The following NAV3 variants were observed in gnomAD, a reference collection of about 807,000 sequenced individuals.
The protein encoded by NAV3 is neuron navigator 3, also known as pore membrane and/or filament interacting like protein 1.
Under a neutral mutation model 244.7 loss-of-function variants are expected in NAV3, and 87 were observed. The ratio of observed to expected loss-of-function variants is 0.36; its 90% confidence interval spans 0.30 to 0.42. The LOEUF (loss-of-function observed/expected upper bound fraction) is 0.42. NAV3 is among the 20% of genes least tolerant of loss of function. The pLI is 1.00. For synonymous variants in NAV3, 1,126 were observed against 1,042.2 expected (o/e 1.08, Z -1.55); for missense variants, 2,663 against 2,893.3 (o/e 0.92, Z 1.83).
intron 2 of NAV3, among the ~76,000 whole-genome samples, chr12:77,658,468 C>G (rs2137023464): frequency 6.8e-6 from 1 of 147,548 alleles, no homozygotes; most frequent in East Asian, 2.0e-4. Flanking sequence ...AGGATAGAAA[C>G]AAATGGAAGA....
At chr12:77,912,762 C>A (rs759705560) in intron 1 of NAV3, among the ~76,000 whole-genome samples, 40 of 152,002 alleles carry the variant, frequency 2.6e-4, no homozygotes, top group Non-Finnish European at 5.3e-4. Context: ...TCCCAAGTAG[C>A]TGGGATTACA....
At chr12:77,800,524 T>C (rs2135968736) in intron 2 of NAV3, among the ~76,000 whole-genome samples, 1 of 151,558 alleles carries the variant, frequency 6.6e-6, no homozygotes, top group African/African-American at 2.4e-5. Flanking sequence ...AGAGTCTTAG[T>C]TTTTTAATAC....
At chr12:78,019,932 A>T (rs1876868179) in intron 8 of NAV3, among the ~76,000 whole-genome samples, 1 of 152,164 alleles carries the variant, frequency 6.6e-6, no homozygotes, top group Admixed American at 6.6e-5. Context: ...AAGAAATGTC[A>T]ATTAGACAGT....
intron 1 of NAV3, among the ~76,000 whole-genome samples, chr12:77,868,094 G>A (rs1049162156): frequency 4.2e-5 from 5 of 118,750 alleles, no homozygotes; most frequent in East Asian, 2.3e-4. Context: ...AAACCTTGCT[G>A]TTTGTTCTAA....
intron 2 of NAV3, among the ~76,000 whole-genome samples, chr12:77,767,784 A>G (rs947951522): frequency 1.3e-5 from 2 of 152,184 alleles, no homozygotes; most frequent in Admixed American, 6.5e-5. Context: ...GGGAGCACCT[A>G]GGTCTGAGAT....
In NAV3 at chr12:78,137,249, A is replaced by T. The variant is rs1355735625; in HGVS notation, c.4514A>T (p.Gln1505Leu). ...ATGCGCTCAAACAGCATCCCAGCCC[A>T]AGACTCTTCCTTCGATCTCTATGAT... Reference protein sequence around the residue: ...SMMRSNSIPAQDSSFDLYDDS... With the variant: ...SMMRSNSIPALDSSFDLYDDS... Residue 1505 changes from glutamine (Q) to leucine (L), a missense_variant, in exon 19 of 40, where the codon CAA (glutamine) becomes CTA (leucine). Physicochemically the swap from Gln to Leu is moderately radical, Grantham distance 113 (BLOSUM62 -2). This residue lies in a region of NAV3 where 354 missense variants were observed against 413.0 expected (regional missense o/e 0.86). Coordinates refer to ENST00000397909, the MANE Select transcript of NAV3 (RefSeq NM_001024383.2). The T allele has an allele frequency of 6.2e-7, 1 of 1,613,776 alleles. No individual in the cohort carries two copies.
At chr12:77,641,789 G>A (rs1009972965) in intron 2 of NAV3, among the ~76,000 whole-genome samples, 1 of 152,120 alleles carries the variant, frequency 6.6e-6, no homozygotes, top group Admixed American at 6.6e-5. Flanking sequence ...GGAACCCACA[G>A]CTGTTTGTTG....
rs1347321954 is a variant in NAV3, at chr12:78,073,132, A to T, written c.2636+14017A>T. Among the ~76,000 whole-genome samples, 650 of 134,308 alleles carry T rather than the reference A, an allele frequency of 4.8e-3. 9 individuals are homozygous for T. Among genetic ancestry groups the T allele is most frequent in the African/African-American group, 0.017 (620 of 36,428 alleles). The allele number at this position is 134,308 out of a possible 152,430, so 88.1% of individuals were successfully genotyped here. A position where few individuals can be genotyped will look rare whatever the true frequency, so the allele number is the denominator to read the frequency against. Reference sequence around the variant, plus strand: ...TTCCCTTTGAAAACTGGCACAAGACAGGGATGCCCTGTCTCACCACTCCTA... The same window carrying T: ...TTCCCTTTGAAAACTGGCACAAGACTGGGATGCCCTGTCTCACCACTCCTA... On this transcript the variant is annotated intron_variant, in intron 12 of 39. Coordinates refer to ENST00000397909, the MANE Select transcript of NAV3 (RefSeq NM_001024383.2).
intron 12 of NAV3, among the ~76,000 whole-genome samples, chr12:78,077,105 A>G (rs551655005): frequency 4.9e-4 from 74 of 152,246 alleles, no homozygotes; most frequent in African/African-American, 1.7e-3. Flanking sequence ...AATTATATGT[A>G]TGGACCTTTC....
At chr12:77,816,371 T>C (rs904312481) in intron 2 of NAV3, among the ~76,000 whole-genome samples, 2 of 152,196 alleles carry the variant, frequency 1.3e-5, no homozygotes, top group Non-Finnish European at 2.9e-5. Flanking sequence ...AAATGGGAAG[T>C]CACTGCTTTC....
chr12:77,981,417 C>T (rs1869542010), intron 5 of NAV3, among the ~76,000 whole-genome samples: 1 of 152,072 alleles, frequency 6.6e-6, no homozygotes, highest in Non-Finnish European at 1.5e-5. Flanking sequence ...CTCTTTAAAT[C>T]TTAATTCTGA....
chr12:77,825,884 T>A (rs1872967593), intron 2 of NAV3, among the ~76,000 whole-genome samples: 1 of 152,164 alleles, frequency 6.6e-6, no homozygotes. Flanking sequence ...TTGACAGATA[T>A]TTCACCAAAG....
intron 1 of NAV3, among the ~76,000 whole-genome samples, chr12:77,842,629 G>A (rs1875878109): frequency 6.6e-6 from 1 of 151,270 alleles, no homozygotes. Flanking sequence ...TGGCTTGGAG[G>A]TATTGTGAAA....
At chr12:78,031,266 C>A (rs1414687263) in intron 9 of NAV3, among the ~76,000 whole-genome samples, 1 of 152,118 alleles carries the variant, frequency 6.6e-6, no homozygotes, top group African/African-American at 2.4e-5. Flanking sequence ...TTAAGCCTAC[C>A]TGGAAGTACT....
intron 2 of NAV3, among the ~76,000 whole-genome samples, chr12:77,719,856 T>C (rs1179579606): frequency 6.6e-6 from 1 of 152,170 alleles, no homozygotes; most frequent in African/African-American, 2.4e-5. Context: ...TTGAAAGAAT[T>C]TGGGAAGAAT....
At chr12:77,778,596 A>G (rs1421783442) in intron 2 of NAV3, among the ~76,000 whole-genome samples, 8 of 148,838 alleles carry the variant, frequency 5.4e-5, no homozygotes, top group South Asian at 2.1e-4. Flanking sequence ...TGGGCAACAG[A>G]GCGAGACTCC....
intron 12 of NAV3, among the ~76,000 whole-genome samples, chr12:78,095,759 A>G (rs1355746903): frequency 1.3e-5 from 2 of 152,196 alleles, no homozygotes; most frequent in Non-Finnish European, 2.9e-5. Flanking sequence ...TGATGGAGCA[A>G]TCTAGGTTTT....
At chr12:78,027,804 A>G (rs1414559379) in intron 9 of NAV3, among the ~76,000 whole-genome samples, 2 of 151,922 alleles carry the variant, frequency 1.3e-5, no homozygotes, top group Non-Finnish European at 2.9e-5. Flanking sequence ...ACCTATACGC[A>G]TTACTCTGTG....
rs1232183308 is a variant in NAV3, at chr12:78,171,959, G to A, written c.4981+3093G>A. 2.0e-5 allele frequency among the ~76,000 whole-genome samples: 3 copies of A among 151,398 alleles called. No individual in the cohort carries two copies. In the South Asian group the frequency reaches 6.2e-4, roughly 31 times the overall value. On this transcript the variant is annotated intron_variant, in intron 24 of 39. Coordinates refer to ENST00000397909, the MANE Select transcript of NAV3 (RefSeq NM_001024383.2). ...TAACAAAGTTTGATAAATGACTATA[G>A]TCTATAATAAAATATTTTTGTTTAC...
Sources: allele counts gnomAD v4.1 joint callset (sites outside exome capture counted in the v4.1 genomes callset), GRCh38; gene constraint gnomAD v4.1.1; regional missense constraint gnomAD v4.1.1; transcripts MANE v1.5; gene names NCBI Gene and HGNC (gene_info 2026-07-23, HGNC 2026-07-21).